HECTD4: variants seen among roughly 807,000 people sequenced by gnomAD.
The protein encoded by HECTD4 is HECT domain E3 ubiquitin protein ligase 4.
In HECTD4, 114 loss-of-function variants were observed where a neutral mutation model predicts 471.5. The observed-to-expected ratio is 0.24, with a 90% CI of 0.21 to 0.28. The LOEUF (loss-of-function observed/expected upper bound fraction) is 0.28, where lower values mean the gene tolerates loss of function less well. HECTD4 is among the 10% of genes least tolerant of loss of function. The pLI is 1.00. For synonymous variants in HECTD4, 2,012 were observed against 2,256.0 expected, an observed-to-expected ratio of 0.89 and a Z score of 3.07; for missense variants, 3,866 against 5,651.5, an observed-to-expected ratio of 0.68 and a Z score of 10.13.
At position 112,353,435 on chromosome 12, in the gene HECTD4, T is replaced by C. The variant is rs149942077; in HGVS notation, c.177+28517A>G. 4.6e-5 allele frequency among the ~76,000 whole-genome samples: 7 copies of C among 152,350 alleles called. No homozygotes were observed. The East Asian group carries it at 1.2e-3, about 25-fold the overall frequency. ...GTCATTTCTCTTATAGAAGAACATA[T>C]ATTACTAAAAAAAGTCAGCTTCGTA... On this transcript the variant is annotated intron_variant, in intron 1 of 75. Coordinates refer to ENST00000682272, the MANE Select transcript of HECTD4 (RefSeq NM_001388303.1).
intron 7 of HECTD4, among the ~76,000 whole-genome samples, chr12:112,297,977 C>T (rs914848214): frequency 4.6e-5 from 7 of 152,128 alleles, no homozygotes; most frequent in African/African-American, 1.7e-4. Flanking sequence ...GGGGTGTCCA[C>T]AGCCAAAGTG....
intron 5 of HECTD4, among the ~76,000 whole-genome samples, chr12:112,309,278 T>C (rs2035328228): frequency 6.6e-6 from 1 of 152,236 alleles, no homozygotes; most frequent in Non-Finnish European, 1.5e-5. Context: ...AAGTCACTGA[T>C]ATTGTTACAA....
chr12:112,167,557 A>G lies in HECTD4; in HGVS notation c.12313-19T>C. The G allele has an allele frequency of 6.4e-7, 1 of 1,552,664 alleles. No homozygotes were observed. The highest frequency in any genetic ancestry group is 2.3e-5 in the East Asian group (1 of 44,164). On this transcript the variant is annotated intron_variant, in intron 71 of 75. Transcript: ENST00000682272. ...ACTTGCCCTGGAAGTGGAGGTGGGCATGAGGTGACCTGGGCGTGGGCCTCT... is the reference window on the plus strand; with the variant it reads ...ACTTGCCCTGGAAGTGGAGGTGGGCGTGAGGTGACCTGGGCGTGGGCCTCT...
chr12:112,307,773 A>T (rs2035293863), intron 6 of HECTD4, among the ~76,000 whole-genome samples: 1 of 152,166 alleles, frequency 6.6e-6, no homozygotes, highest in African/African-American at 2.4e-5. Flanking sequence ...CTCTTAGAGC[A>T]CTCACTCCAC....
intron 32 of HECTD4, among the ~76,000 whole-genome samples, chr12:112,240,238 A>T (rs746034820): frequency 2.0e-5 from 3 of 152,226 alleles, no homozygotes; most frequent in African/African-American, 7.2e-5. Context: ...CACACTCCAG[A>T]AAAGTCTAGG....
intron 1 of HECTD4, among the ~76,000 whole-genome samples, chr12:112,365,275 G>A (rs1326134012): frequency 6.6e-6 from 1 of 152,196 alleles, no homozygotes; most frequent in African/African-American, 2.4e-5. Context: ...CTAGCCGGGT[G>A]TGGTGGCATA....
At chr12:112,176,481 C>A (rs937572857) in intron 65 of HECTD4, 115 bp downstream of exon 65, 84 of 710,514 alleles carry the variant, frequency 1.2e-4, no homozygotes, top group Non-Finnish European at 2.0e-4. Flanking sequence ...AGAGCAGAGG[C>A]CATCCCAGTA....
intron 44 of HECTD4, among the ~76,000 whole-genome samples, chr12:112,224,170 T>C (rs1008056777): frequency 6.6e-6 from 1 of 152,142 alleles, no homozygotes; most frequent in African/African-American, 2.4e-5. Context: ...TTCCCTTTGG[T>C]TTTTATCACT....
intron 55 of HECTD4, among the ~76,000 whole-genome samples, chr12:112,195,949 G>T (rs1029753296): frequency 6.6e-6 from 1 of 152,160 alleles, no homozygotes; most frequent in Admixed American, 6.5e-5. Context: ...ATTACTTGAG[G>T]TCAGGAGTTT....
In HECTD4 at chr12:112,166,511, T is replaced by G. The variant is rs1340498844; in HGVS notation, c.12534+806A>C. ...CTGGGTGGGACGTTGCCCTCCACAC[T>G]CAGCCAGGATGGCTCTCTCAGCTGT... is the stretch of plus-strand genomic sequence containing the variant. On this transcript the variant is annotated intron_variant, in intron 72 of 75. Transcript: ENST00000682272. This position sits in a 1 kb window ranked among gnomAD's most constrained non-coding sequence, Gnocchi z 4.6. 6.6e-6 allele frequency: 1 copy of G among 152,224 alleles called. No individual in the cohort carries two copies. The highest frequency in any genetic ancestry group is 2.4e-5 in the African/African-American group (1 of 41,444). The allele number at this position is 152,224 out of a possible 1,614,324, so 9.4% of individuals were successfully genotyped here.
chr12:112,252,012 T>C (rs1007623434), intron 23 of HECTD4, among the ~76,000 whole-genome samples: 9 of 152,206 alleles, frequency 5.9e-5, no homozygotes, highest in African/African-American at 1.9e-4. Context: ...CCTCAGCTGA[T>C]TCACCTGCCT....
Position 112,230,773 on chromosome 12 carries a change from C to T in HECTD4, c.6250G>A (p.Ala2084Thr). The T allele has an allele frequency of 6.2e-7, 1 of 1,610,994 alleles. No individual in the cohort carries two copies. The highest frequency in any genetic ancestry group is 8.5e-7 in the Non-Finnish European group (1 of 1,178,612). ...FISGHVANSM[A>T]AEVIALLHSL... is the part of the protein sequence containing the mutation. ...TGTAGCAAGGCGATCACTTCTGCAG[C>T]CATGCTGTTTGCCACATGCCCACTG... is the stretch of plus-strand genomic sequence containing the variant. Residue 2084 changes from alanine to threonine, a missense_variant, in exon 40 of 76, where the codon GCT becomes ACT. Physicochemically the swap from Ala to Thr is moderately conservative, Grantham distance 58. Transcript: ENST00000682272.
intron 32 of HECTD4, among the ~76,000 whole-genome samples, chr12:112,242,420 C>T (rs1170042694): frequency 6.6e-6 from 1 of 151,466 alleles, no homozygotes; most frequent in East Asian, 2.0e-4. Context: ...TGAGACCAGC[C>T]TGGGCAACAT....
rs774479703 is a variant in HECTD4 at position 112,161,032 on chromosome 12, T to C, written c.*1355A>G. Reference sequence around the variant, plus strand: ...GCTCTATCTCTAGAATTCACAATCTTTCCAGCAGGCCAGGGCACATCTTCT... The same window carrying C: ...GCTCTATCTCTAGAATTCACAATCTCTCCAGCAGGCCAGGGCACATCTTCT... On this transcript the variant is annotated 3_prime_UTR_variant, in exon 76 of 76. Coordinates refer to ENST00000682272, the MANE Select transcript of HECTD4 (RefSeq NM_001388303.1). 6.6e-6 allele frequency: 1 copy of C among 152,190 alleles called. No homozygotes were observed. The highest frequency in any genetic ancestry group is 1.5e-5 in the Non-Finnish European group (1 of 68,054). 9.4% of individuals were successfully genotyped at this position (152,190 alleles called of 1,614,324 possible). A position where few individuals can be genotyped will look rare whatever the true frequency, so the allele number is the denominator to read the frequency against.
chr12:112,285,858 T>G (rs2034742426), intron 7 of HECTD4, among the ~76,000 whole-genome samples: 1 of 152,054 alleles, frequency 6.6e-6, no homozygotes, highest in Non-Finnish European at 1.5e-5. Flanking sequence ...CTTCATTGTC[T>G]TACCCCAACT....
In HECTD4 at chr12:112,216,286, A is replaced by G; in HGVS notation, c.7465+6T>C. 2 of 1,540,094 alleles carry G rather than the reference A, an allele frequency of 1.3e-6. No homozygotes were observed. Among genetic ancestry groups the G allele is most frequent in the Non-Finnish European group, 8.8e-7 (1 of 1,135,984 alleles). ...CACAGGGTGGAAAAGCTCCCACTGC[A>G]CTCACCGGGGGAGAGAGTCACGTCT... On this transcript the variant is annotated splice_donor_region_variant and intron_variant, in intron 48 of 75. Coordinates refer to ENST00000682272, the MANE Select transcript of HECTD4 (RefSeq NM_001388303.1).
intron 21 of HECTD4, 63 bp downstream of exon 21, chr12:112,256,257 T>G: frequency 2.5e-6 from 3 of 1,205,404 alleles, no homozygotes; most frequent in Non-Finnish European, 3.4e-6. Context: ...CAAAGAAAAA[T>G]AAGAAGCATC....
chr12:112,226,975 A>G (rs2033256122), intron 43 of HECTD4, among the ~76,000 whole-genome samples: 1 of 152,206 alleles, frequency 6.6e-6, no homozygotes. Flanking sequence ...TGCATGAAGA[A>G]TTGGAAAAGA....
chr12:112,202,639 T>G (rs1302439267), intron 54 of HECTD4, among the ~76,000 whole-genome samples: 1 of 152,230 alleles, frequency 6.6e-6, no homozygotes, highest in Non-Finnish European at 1.5e-5. Context: ...TCAGAGACTC[T>G]CAGGCTTGAT....
Sources: allele counts gnomAD v4.1 joint callset (sites outside exome capture counted in the v4.1 genomes callset), GRCh38; gene constraint gnomAD v4.1.1; non-coding constraint Gnocchi (gnomAD v3.1); transcripts MANE v1.5; gene names NCBI Gene and HGNC (gene_info 2026-07-23, HGNC 2026-07-21).